ZFR: variants seen among roughly 807,000 people sequenced by gnomAD.
ZFR encodes zinc finger RNA-binding protein.
In ZFR, 19 loss-of-function variants were observed where a neutral mutation model predicts 130.7. That is an observed-to-expected ratio of 0.15 (90% CI 0.10 to 0.21). The LOEUF (loss-of-function observed/expected upper bound fraction) is 0.21, where lower values mean the gene tolerates loss of function less well. Ranked by LOEUF, ZFR falls within the 10% of genes least tolerant of loss-of-function variation. The pLI, the probability that ZFR is intolerant of heterozygous loss-of-function variation, is 1.00. For missense variants in ZFR, 872 were observed against 1,321.5 expected (o/e 0.66, Z 5.27); for synonymous variants, 466 against 456.9 (o/e 1.02, Z -0.25).
rs1355055640 is a variant in ZFR, at chr5:32,420,222, G to A, written c.138-119C>T. ...CACATTTTCAAGTAATTTAATGACG[G>A]ACCACAAAAGGTCAAGTACTTGAAC... On this transcript the variant is annotated intron_variant, in intron 2 of 19. Transcript: ENST00000265069. The A allele has an allele frequency of 3.4e-6, 4 of 1,169,900 alleles. No homozygotes were observed. The East Asian group carries it at 1.1e-4, about 31-fold the overall frequency. 72.5% of individuals were successfully genotyped at this position (1,169,900 alleles called of 1,614,324 possible). A position where few individuals can be genotyped will look rare whatever the true frequency, so the allele number is the denominator to read the frequency against.
chr5:32,415,531 C>T (rs1473701467), intron 4 of ZFR, among the ~76,000 whole-genome samples: 27 of 144,216 alleles, frequency 1.9e-4, no homozygotes, highest in South Asian at 8.7e-4. Flanking sequence ...CGCGCGCGCG[C>T]GCACTAGTCA....
intron 17 of ZFR, among the ~76,000 whole-genome samples, chr5:32,366,743 T>C (rs1752554050): frequency 6.6e-6 from 1 of 152,158 alleles, no homozygotes; most frequent in Non-Finnish European, 1.5e-5. Flanking sequence ...CAGGTTTTGA[T>C]GTAAAGGGTC....
intron 15 of ZFR, among the ~76,000 whole-genome samples, chr5:32,382,931 A>C (rs1446163492): frequency 1.3e-5 from 2 of 151,432 alleles, no homozygotes; most frequent in African/African-American, 4.9e-5. Context: ...TTAACAAAGC[A>C]AAAAAAAATC....
intron 15 of ZFR, chr5:32,380,422 G>A (rs549282162): frequency 4.9e-5 from 16 of 329,488 alleles, no homozygotes; most frequent in African/African-American, 3.1e-4. Context: ...AACGAAATCC[G>A]AAGGAAAGAT....
At chr5:32,390,517 C>A in intron 11 of ZFR, 80 bp from the exon 12 acceptor site, 1 of 1,356,060 alleles carries the variant, frequency 7.4e-7, no homozygotes, top group Non-Finnish European at 9.9e-7. Flanking sequence ...ACATAAAAAG[C>A]AATAAAAAAC....
At chr5:32,436,431 G>A (rs1010559933) in intron 2 of ZFR, among the ~76,000 whole-genome samples, 2 of 151,920 alleles carry the variant, frequency 1.3e-5, no homozygotes, top group Non-Finnish European at 1.5e-5. Flanking sequence ...TAATACAGGC[G>A]TGAGCCACCG....
At chr5:32,413,561 CT>C (rs2111804233) in intron 5 of ZFR, among the ~76,000 whole-genome samples, 1 of 151,824 alleles carries the variant, frequency 6.6e-6, no homozygotes, top group East Asian at 1.9e-4. Flanking sequence ...TATCTTCATA[CT>C]GTATAGACAA....
At chr5:32,426,088 G>A (rs933878002) in intron 2 of ZFR, among the ~76,000 whole-genome samples, 1 of 152,088 alleles carries the variant, frequency 6.6e-6, no homozygotes, top group Non-Finnish European at 1.5e-5. Flanking sequence ...ACTAATTACA[G>A]TAAAATAAGG....
At chr5:32,424,531 TC>T (rs1754028873) in intron 2 of ZFR, among the ~76,000 whole-genome samples, 1 of 113,982 alleles carries the variant, frequency 8.8e-6, no homozygotes, top group African/African-American at 3.6e-5. Context: ...AGACTCCGTC[TC>T]AAAAAAAAAA....
chr5:32,375,426 C>G (rs1262578318), intron 17 of ZFR, among the ~76,000 whole-genome samples: 1 of 151,998 alleles, frequency 6.6e-6, no homozygotes, highest in Non-Finnish European at 1.5e-5. Context: ...TTCTTTTATT[C>G]CGTATTTGTT....
At chr5:32,390,602 A>C (rs895043925) in intron 11 of ZFR, among the ~76,000 whole-genome samples, 165 bp from the exon 12 acceptor site, 8 of 152,232 alleles carry the variant, frequency 5.3e-5, no homozygotes, top group African/African-American at 1.9e-4. Context: ...ATTGCGAAGT[A>C]AATGAAAGAG....
chr5:32,388,323 C>G, intron 13 of ZFR, 146 bp downstream of exon 13: 1 of 745,740 alleles, frequency 1.3e-6, no homozygotes. Context: ...CAAGCAGCTG[C>G]AGAATACATG....
chr5:32,383,532 T>C (rs1030892735), intron 15 of ZFR, among the ~76,000 whole-genome samples: 1 of 152,234 alleles, frequency 6.6e-6, no homozygotes, highest in Non-Finnish European at 1.5e-5. Context: ...TAACAGTTAT[T>C]TGGACAATGT....
intron 17 of ZFR, among the ~76,000 whole-genome samples, chr5:32,374,515 T>A (rs532477473): frequency 1.8e-4 from 28 of 151,680 alleles, no homozygotes; most frequent in African/African-American, 3.9e-4. Flanking sequence ...AAATAAATAA[T>A]TAAATAAATA....
intron 7 of ZFR, 121 bp from the exon 8 acceptor site, chr5:32,403,518 A>G: frequency 8.0e-7 from 1 of 1,244,684 alleles, no homozygotes; most frequent in Non-Finnish European, 1.1e-6. Flanking sequence ...TTTCTGCTAT[A>G]TGTTTTTGTA....
intron 17 of ZFR, among the ~76,000 whole-genome samples, chr5:32,367,693 C>T (rs1344883978): frequency 1.3e-5 from 2 of 152,018 alleles, no homozygotes; most frequent in Non-Finnish European, 2.9e-5. Flanking sequence ...AGATTACAGG[C>T]CAAAGTGATG....
At chr5:32,414,300 G>A (rs1313529123) in intron 5 of ZFR, among the ~76,000 whole-genome samples, 1 of 152,184 alleles carries the variant, frequency 6.6e-6, no homozygotes, top group Non-Finnish European at 1.5e-5. Flanking sequence ...CATATCTTCT[G>A]GGAGGAATAC....
intron 5 of ZFR, among the ~76,000 whole-genome samples, chr5:32,413,180 C>G (rs886957807): frequency 4.3e-5 from 6 of 140,274 alleles, no homozygotes; most frequent in African/African-American, 1.6e-4. Flanking sequence ...CAGAGTGAGA[C>G]TCTTTTAATC....
intron 17 of ZFR, among the ~76,000 whole-genome samples, chr5:32,373,009 T>C (rs781396131): frequency 1.2e-4 from 18 of 152,268 alleles, no homozygotes; most frequent in Non-Finnish European, 2.2e-4. Context: ...AAATTGCAAA[T>C]AGCAGACTAC....
Sources: gnomAD v4.1 joint callset for allele counts (sites outside exome capture counted in the v4.1 genomes callset) on GRCh38, gnomAD v4.1.1 for gene constraint, MANE v1.5 for transcripts, NCBI Gene and HGNC (gene_info 2026-07-23, HGNC 2026-07-21) for gene names.